CLSTN2: variants seen among roughly 807,000 people sequenced by gnomAD.
CLSTN2 encodes the protein calsyntenin 2, also known as calsyntenin-2.
Under a neutral mutation model 101.2 loss-of-function variants are expected in CLSTN2, and 48 were observed. The observed-to-expected ratio is 0.47, with a 90% CI of 0.38 to 0.60. The LOEUF is 0.60. Among genes scored for constraint, CLSTN2 ranks in the 20% least tolerant of loss-of-function variants. The pLI is 0.00. For synonymous variants in CLSTN2, 481 were observed against 463.6 expected, an observed-to-expected ratio of 1.04 and a Z score of -0.48; for missense variants, 1,160 against 1,238.2, an observed-to-expected ratio of 0.94 and a Z score of 0.95.
In CLSTN2 at chr3:140,414,855, A is replaced by G. The variant is rs559947373; in HGVS notation, c.638-6270A>G. On this transcript the variant is annotated intron_variant, in intron 4 of 16. Transcript: ENST00000458420. ...TAAAATTCATATAGAAGCACAAAAG[A>G]CCTCAAATAGCTAAAGCAACCTTGA... 2.6e-5 allele frequency among the ~76,000 whole-genome samples: 4 copies of G among 152,214 alleles called. No individual in the cohort carries two copies. In the South Asian group the frequency reaches 8.3e-4, roughly 32 times the overall value.
chr3:140,421,078 T>C (rs1243561871), intron 4 of CLSTN2, 47 bp from the exon 5 acceptor site: 2 of 1,589,286 alleles, frequency 1.3e-6, no homozygotes, highest in African/African-American at 1.3e-5. Context: ...GAAGTACAAG[T>C]GCAGTTAAAT....
intron 1 of CLSTN2, among the ~76,000 whole-genome samples, chr3:139,952,713 C>T (rs945240299): frequency 6.6e-6 from 1 of 152,120 alleles, no homozygotes; most frequent in Non-Finnish European, 1.5e-5. Context: ...TAAATTCAGG[C>T]CTTTGCTACC....
chr3:140,448,481 C>T, intron 5 of CLSTN2, 38 bp from the exon 6 acceptor site: 2 of 1,543,676 alleles, frequency 1.3e-6, no homozygotes, highest in South Asian at 2.3e-5. Flanking sequence ...GAACTGACTG[C>T]ACCTGATTCA....
chr3:140,051,433 C>T (rs1000095432), intron 1 of CLSTN2, among the ~76,000 whole-genome samples: 16 of 152,208 alleles, frequency 1.1e-4, no homozygotes, highest in Non-Finnish European at 2.2e-4. Flanking sequence ...TCAGCATGGT[C>T]GCTGCACATC....
chr3:140,187,215 G>T (rs2010497598), intron 2 of CLSTN2, among the ~76,000 whole-genome samples: 1 of 152,120 alleles, frequency 6.6e-6, no homozygotes, highest in African/African-American at 2.4e-5. Flanking sequence ...TGCCTTTGCT[G>T]CTCTGTCTCC....
At chr3:140,037,584 G>A (rs746543631) in intron 1 of CLSTN2, among the ~76,000 whole-genome samples, 10 of 149,988 alleles carry the variant, frequency 6.7e-5, no homozygotes, top group Non-Finnish European at 3.0e-5. Context: ...AGTTCTGGTA[G>A]TGCAGGTTTG....
intron 1 of CLSTN2, among the ~76,000 whole-genome samples, chr3:140,044,582 G>A (rs1393601632): frequency 6.6e-6 from 1 of 152,186 alleles, no homozygotes; most frequent in African/African-American, 2.4e-5. Flanking sequence ...TAGGAGTGGT[G>A]AGAGAGGGCA....
chr3:140,248,761 A>T (rs183145975), intron 2 of CLSTN2, among the ~76,000 whole-genome samples: 34 of 152,308 alleles, frequency 2.2e-4, no homozygotes, highest in African/African-American at 7.5e-4. Context: ...ATGTTTGAAG[A>T]TTATTTCATT....
intron 6 of CLSTN2, among the ~76,000 whole-genome samples, chr3:140,452,221 G>A (rs1472731345): frequency 6.6e-6 from 1 of 152,038 alleles, no homozygotes; most frequent in African/African-American, 2.4e-5. Context: ...CCAAAGATCA[G>A]CCTCTACCCT....
In CLSTN2 at chr3:140,399,432, G is replaced by C. The variant is rs1308027729; in HGVS notation, c.233-4197G>C. Among the ~76,000 whole-genome samples, 3 of 152,108 alleles carry C rather than the reference G, an allele frequency of 2.0e-5. No homozygotes were observed. The East Asian group carries it at 5.8e-4, about 29-fold the overall frequency. On this transcript the variant is annotated intron_variant, in intron 2 of 16. Coordinates refer to ENST00000458420, the MANE Select transcript of CLSTN2 (RefSeq NM_022131.3). ...TGGGACCTTTCTTCCAGAAGTCTCT[G>C]TTTCAACTTGTCATGACGTTTTAAA... is the stretch of plus-strand genomic sequence containing the variant.
rs570949554 is a variant in CLSTN2 at position 140,032,890 on chromosome 3, C to T, written c.109+97407C>T. On this transcript the variant is annotated intron_variant, in intron 1 of 16. Transcript: ENST00000458420. Reference sequence around the variant, plus strand: ...GTTTGTCTGTGAGAAATGAGTTGGTCTGTGAGCAAACTGAAAAGTGCTATA... The same window carrying T: ...GTTTGTCTGTGAGAAATGAGTTGGTTTGTGAGCAAACTGAAAAGTGCTATA... Among the ~76,000 whole-genome samples, 3 of 152,288 alleles carry T rather than the reference C, an allele frequency of 2.0e-5. No homozygotes were observed. In the South Asian group the frequency reaches 6.2e-4, roughly 32 times the overall value.
At chr3:140,449,851 C>T (rs1933199016) in intron 6 of CLSTN2, 1 of 152,224 alleles carries the variant, frequency 6.6e-6, no homozygotes. Flanking sequence ...CCCCAGGTAA[C>T]AAGGTCACAT....
rs1350413940 is a variant in CLSTN2 at position 140,087,638 on chromosome 3, G to A, written c.110-88313G>A. 2.6e-5 allele frequency among the ~76,000 whole-genome samples: 4 copies of A among 152,172 alleles called. No individual in the cohort carries two copies. In the South Asian group the frequency reaches 6.2e-4, roughly 24 times the overall value. On this transcript the variant is annotated intron_variant, in intron 1 of 16. Transcript: ENST00000458420. ...TGTTTTTGAGGGTTGTGCTTTGAGA[G>A]TCAAATGGGGAAAATAAAAAGTAAA...
chr3:140,412,397 G>C (rs1272382546), intron 4 of CLSTN2, among the ~76,000 whole-genome samples: 1 of 152,212 alleles, frequency 6.6e-6, no homozygotes, highest in Non-Finnish European at 1.5e-5. Flanking sequence ...GGTAGTCACT[G>C]TGGCATATCT....
At chr3:140,468,680 C>A (rs1190360418) in intron 8 of CLSTN2, among the ~76,000 whole-genome samples, 1 of 152,248 alleles carries the variant, frequency 6.6e-6, no homozygotes, top group Admixed American at 6.5e-5. Flanking sequence ...GGTCACACAG[C>A]AAACCGTGGG....
intron 2 of CLSTN2, among the ~76,000 whole-genome samples, chr3:140,402,028 C>T (rs1022679406): frequency 6.7e-6 from 1 of 150,076 alleles, no homozygotes; most frequent in African/African-American, 2.5e-5. Context: ...GGGGTGGCGG[C>T]GGGGGAGTGG....
intron 2 of CLSTN2, among the ~76,000 whole-genome samples, chr3:140,335,683 A>G (rs1489087477): frequency 3.3e-5 from 5 of 152,272 alleles, no homozygotes; most frequent in Non-Finnish European, 7.3e-5. Context: ...TTTGTAATAA[A>G]GACAAGGGAG....
chr3:140,141,952 G>A (rs142061675), intron 1 of CLSTN2, among the ~76,000 whole-genome samples: 10 of 152,200 alleles, frequency 6.6e-5, no homozygotes, highest in South Asian at 2.1e-4. Context: ...AACTTGTCTC[G>A]TCCAATTAAT....
chr3:140,388,225 T>G (rs1360272937), intron 2 of CLSTN2, among the ~76,000 whole-genome samples: 1 of 152,230 alleles, frequency 6.6e-6, no homozygotes, highest in African/African-American at 2.4e-5. Flanking sequence ...AATAAATATC[T>G]GCTGGGTTTT....
Sources: allele counts gnomAD v4.1 joint callset (sites outside exome capture counted in the v4.1 genomes callset), GRCh38; gene constraint gnomAD v4.1.1; transcripts MANE v1.5; gene names NCBI Gene and HGNC (gene_info 2026-07-23, HGNC 2026-07-21).